The following TSPAN13 variants were observed in gnomAD, a reference collection of about 807,000 sequenced individuals.
The protein encoded by TSPAN13 is tetraspanin 13, also known as tetraspanin-13.
Under a neutral mutation model 26.9 loss-of-function variants are expected in TSPAN13, and 18 were observed. That is an observed-to-expected ratio of 0.67 (90% CI 0.46 to 0.99). The LOEUF is 0.99. TSPAN13 is among the 50% of genes least tolerant of loss of function. TSPAN13 has a pLI of 0.00. For missense variants in TSPAN13, 201 were observed against 249.6 expected (o/e 0.81, Z 1.31); for synonymous variants, 116 against 98.4 (o/e 1.18, Z -1.06).
chr7:16,778,836 G>A (rs535643148), intron 4 of TSPAN13, among the ~76,000 whole-genome samples, 167 bp from the exon 5 acceptor site: 35 of 152,290 alleles, frequency 2.3e-4, no homozygotes, highest in African/African-American at 8.2e-4. Flanking sequence ...CCATTGAGAG[G>A]GGAGGGTGGG....
chr7:16,760,654 G>C (rs141521213), intron 1 of TSPAN13, among the ~76,000 whole-genome samples: 13 of 152,132 alleles, frequency 8.5e-5, no homozygotes, highest in African/African-American at 3.1e-4. Context: ...GATTGAAGTA[G>C]TGCATTTCAA....
At chr7:16,772,248 T>C (rs1018565143) in intron 1 of TSPAN13, among the ~76,000 whole-genome samples, 4 of 152,168 alleles carry the variant, frequency 2.6e-5, no homozygotes, top group African/African-American at 9.6e-5. Context: ...ATTCCACTGA[T>C]GGTAAAATTC....
At position 16,777,056 on chromosome 7, in the gene TSPAN13, G is replaced by A; in HGVS notation, c.246G>A (p.Leu82=). 1 of 1,611,006 alleles carries A rather than the reference G, an allele frequency of 6.2e-7. No individual in the cohort carries two copies. Among genetic ancestry groups the A allele is most frequent in the Non-Finnish European group, 8.5e-7 (1 of 1,177,592 alleles). Residue 82 remains leucine (L), a synonymous_variant, in exon 3 of 6, where the codon CTG becomes CTA. Coordinates refer to ENST00000262067, the MANE Select transcript of TSPAN13 (RefSeq NM_014399.4). ...CTAACTCTCAGTATATGATTATTCT[G>A]TTACTTGTATTTATTGTTCAGTTTT... ...QVLLFFYMII[L]LLVFIVQFSV...
intron 1 of TSPAN13, 132 bp downstream of exon 1, chr7:16,754,162 G>A (rs529185078): frequency 5.4e-6 from 5 of 920,456 alleles, no homozygotes; most frequent in East Asian, 2.8e-5. Context: ...ACGTCTGCGC[G>A]CCCCCGGCCT....
intron 1 of TSPAN13, among the ~76,000 whole-genome samples, chr7:16,770,173 T>C (rs1784657187): frequency 6.6e-6 from 1 of 151,208 alleles, no homozygotes; most frequent in African/African-American, 2.4e-5. Flanking sequence ...ATCTTTTTAT[T>C]TTTCTGTTTA....
chr7:16,782,732 G>T (rs993897964), intron 5 of TSPAN13, among the ~76,000 whole-genome samples: 4 of 152,020 alleles, frequency 2.6e-5, no homozygotes, highest in Admixed American at 2.0e-4. Flanking sequence ...AAATTTTACT[G>T]AACTTAGTTT....
At chr7:16,780,559 T>C (rs921821448) in intron 5 of TSPAN13, among the ~76,000 whole-genome samples, 1 of 152,226 alleles carries the variant, frequency 6.6e-6, no homozygotes, top group Non-Finnish European at 1.5e-5. Flanking sequence ...TGTGCATTTC[T>C]CTCTTCTTTT....
intron 5 of TSPAN13, among the ~76,000 whole-genome samples, chr7:16,781,842 G>T (rs1012717041): frequency 6.6e-6 from 1 of 152,162 alleles, no homozygotes; most frequent in African/African-American, 2.4e-5. Flanking sequence ...GGGACTCAAA[G>T]AAATAGTTGT....
chr7:16,763,175 C>T (rs778762631), intron 1 of TSPAN13, among the ~76,000 whole-genome samples: 33 of 152,072 alleles, frequency 2.2e-4, no homozygotes, highest in Admixed American at 4.6e-4. Context: ...CTTCTTTTGA[C>T]GGCAGGGTAA....
intron 1 of TSPAN13, among the ~76,000 whole-genome samples, chr7:16,762,500 G>T (rs1378991587): frequency 2.6e-5 from 4 of 152,208 alleles, no homozygotes; most frequent in African/African-American, 9.6e-5. Flanking sequence ...CAGCCTGGGA[G>T]TATGGACTTT....
chr7:16,768,756 A>G (rs1176701010), intron 1 of TSPAN13, among the ~76,000 whole-genome samples: 3 of 151,996 alleles, frequency 2.0e-5, no homozygotes, highest in East Asian at 1.9e-4. Context: ...ATTAAAGTCT[A>G]CTCTTTCTCT....
At chr7:16,769,817 C>T (rs1247899947) in intron 1 of TSPAN13, among the ~76,000 whole-genome samples, 1 of 152,198 alleles carries the variant, frequency 6.6e-6, no homozygotes, top group Non-Finnish European at 1.5e-5. Flanking sequence ...TGAAAGTCCA[C>T]ACCCTGTCTT....
chr7:16,763,158 T>C (rs1264204720), intron 1 of TSPAN13, among the ~76,000 whole-genome samples: 1 of 152,184 alleles, frequency 6.6e-6, no homozygotes, highest in East Asian at 1.9e-4. Context: ...TCTGGCTCAT[T>C]GATTACCTTC....
chr7:16,762,819 G>C (rs1364555539), intron 1 of TSPAN13, among the ~76,000 whole-genome samples: 1 of 152,092 alleles, frequency 6.6e-6, no homozygotes, highest in Non-Finnish European at 1.5e-5. Context: ...TTCCAGGCCA[G>C]GCAGAAGATG....
At chr7:16,758,068 C>T (rs1784501612) in intron 1 of TSPAN13, among the ~76,000 whole-genome samples, 1 of 152,100 alleles carries the variant, frequency 6.6e-6, no homozygotes, top group Non-Finnish European at 1.5e-5. Context: ...CTCCTGACCT[C>T]AGGCGATCCA....
chr7:16,777,018 G>A (rs549214541), intron 2 of TSPAN13, 24 bp from the exon 3 acceptor site: 1 of 1,503,998 alleles, frequency 6.6e-7, no homozygotes, highest in East Asian at 2.3e-5. Flanking sequence ...ATATTTAGAA[G>A]TATCCTTAAC....
intron 1 of TSPAN13, among the ~76,000 whole-genome samples, chr7:16,773,074 G>T (rs1784699441): frequency 6.6e-6 from 1 of 151,454 alleles, no homozygotes; most frequent in African/African-American, 2.4e-5. Flanking sequence ...TTCACAGAGG[G>T]GTCAGCTGGG....
intron 1 of TSPAN13, among the ~76,000 whole-genome samples, chr7:16,754,991 T>C (rs1000120794): frequency 1.3e-5 from 2 of 152,230 alleles, no homozygotes; most frequent in African/African-American, 4.8e-5. Context: ...ACATAGCTGG[T>C]AGTTGACGAG....
rs79679919 is a variant in TSPAN13 at position 16,782,843 on chromosome 7, A to T, written c.541-574A>T. Among the ~76,000 whole-genome samples the T allele has an allele frequency of 2.0e-3, 305 of 152,366 alleles. 1 individual carries two copies. The highest frequency in any genetic ancestry group is 7.0e-3 in the African/African-American group (292 of 41,604). On this transcript the variant is annotated intron_variant, in intron 5 of 5. Transcript: ENST00000262067. ...TGCTGTAACAGGTTACCACACACAT[A>T]GTTGCTTAACACAACACAAACTTAT...
Sources: gnomAD v4.1 joint callset for allele counts (sites outside exome capture counted in the v4.1 genomes callset) on GRCh38, gnomAD v4.1.1 for gene constraint, MANE v1.5 for transcripts, NCBI Gene and HGNC (gene_info 2026-07-23, HGNC 2026-07-21) for gene names.